Variants in BLTP3A observed in about 807,000 individuals in gnomAD.
The protein encoded by BLTP3A is bridge-like lipid transfer protein family member 3A.
chr6:34,859,716 G>A, the BLTP3A span: 7 of 1,251,072 alleles, frequency 5.6e-6, no homozygotes, highest in Non-Finnish European at 3.3e-6. Context: ...TATTTAATGG[G>A]CAGTTTTCAA....
chr6:34,808,704 C>T, the BLTP3A span, among the ~76,000 whole-genome samples: 1 of 152,098 alleles, frequency 6.6e-6, no homozygotes. Context: ...CCACCTCAGC[C>T]TCCCCAGTAG....
the BLTP3A span, chr6:34,858,899 T>C: frequency 1.2e-6 from 2 of 1,614,140 alleles, no homozygotes; most frequent in Non-Finnish European, 1.7e-6. Context: ...CTGCAGAGGC[T>C]TCAGGAGCAG....
chr6:34,826,222 A>G, the BLTP3A span, among the ~76,000 whole-genome samples: 1 of 151,824 alleles, frequency 6.6e-6, no homozygotes, highest in Non-Finnish European at 1.5e-5. Flanking sequence ...GGGTTTCACC[A>G]TGTTGGCCAG....
the BLTP3A span, among the ~76,000 whole-genome samples, chr6:34,866,872 A>G: frequency 4.5e-4 from 69 of 152,292 alleles, 1 homozygote; most frequent in African/African-American, 1.6e-3. Context: ...CACTTGGTAT[A>G]TCCTCAAGAT....
At chr6:34,864,303 A>G in the BLTP3A span, 4 of 1,152,760 alleles carry the variant, frequency 3.5e-6, no homozygotes, top group South Asian at 5.8e-5. Flanking sequence ...AGATGATAAT[A>G]TAGACATTTT....
At chr6:34,864,799 C>T in the BLTP3A span, among the ~76,000 whole-genome samples, 5 of 151,986 alleles carry the variant, frequency 3.3e-5, no homozygotes, top group Admixed American at 3.3e-4. Flanking sequence ...AAAAACCTGT[C>T]TCTACTAAAA....
At chr6:34,864,277 C>A in the BLTP3A span, 2 of 1,332,082 alleles carry the variant, frequency 1.5e-6, no homozygotes, top group Non-Finnish European at 2.1e-6. Context: ...ACTGGCAGGG[C>A]TAAAGAGGAG....
At chr6:34,861,238 G>A in the BLTP3A span, among the ~76,000 whole-genome samples, 7 of 151,970 alleles carry the variant, frequency 4.6e-5, no homozygotes, top group East Asian at 1.4e-3. Context: ...TGATCCTCCT[G>A]CCTCAGCCTC....
the BLTP3A span, chr6:34,876,267 G>A: frequency 6.6e-6 from 1 of 152,378 alleles, no homozygotes; most frequent in Non-Finnish European, 1.5e-5. Flanking sequence ...ATTTTGCCAT[G>A]GGCCTCAACC....
the BLTP3A span, among the ~76,000 whole-genome samples, chr6:34,825,054 A>G: frequency 6.6e-6 from 1 of 152,198 alleles, no homozygotes; most frequent in African/African-American, 2.4e-5. Flanking sequence ...TAAAGCTCTT[A>G]TAATTATATC....
the BLTP3A span, among the ~76,000 whole-genome samples, chr6:34,864,477 G>T: frequency 6.1e-3 from 907 of 148,966 alleles, 10 homozygotes; most frequent in African/African-American, 0.021. Flanking sequence ...GCTAAGTCAG[G>T]ATTAGTTTCA....
the BLTP3A span, chr6:34,858,656 CT>C: frequency 6.2e-7 from 1 of 1,614,220 alleles, no homozygotes; most frequent in Non-Finnish European, 8.5e-7. Flanking sequence ...GCTCTTGCCC[CT>C]GACTCTATGT....
the BLTP3A span, chr6:34,857,180 T>C: frequency 9.3e-7 from 1 of 1,074,000 alleles, no homozygotes; most frequent in Non-Finnish European, 1.3e-6. Context: ...GCGAGGCAGG[T>C]GTGAGAACAC....
the BLTP3A span, among the ~76,000 whole-genome samples, chr6:34,806,563 G>C: frequency 8.4e-3 from 1,281 of 152,292 alleles, 19 homozygotes; most frequent in African/African-American, 0.027. Flanking sequence ...CAGCCTTACT[G>C]TATGAATTTT....
the BLTP3A span, among the ~76,000 whole-genome samples, chr6:34,804,575 G>A: frequency 1.4e-3 from 212 of 152,226 alleles, no homozygotes; most frequent in Non-Finnish European, 2.5e-3. Flanking sequence ...GTGCATTTAG[G>A]AGATTGCCTA....
chr6:34,821,804 G>A, the BLTP3A span: 2 of 1,614,098 alleles, frequency 1.2e-6, no homozygotes, highest in Non-Finnish European at 1.7e-6. Flanking sequence ...CTGCAACAGG[G>A]CCTCCATCCG....
At chr6:34,837,474 G>A in the BLTP3A span, among the ~76,000 whole-genome samples, 34 of 151,704 alleles carry the variant, frequency 2.2e-4, no homozygotes, top group Admixed American at 6.6e-4. Context: ...GCTTAAGCCC[G>A]GGAGTTTGAG....
the BLTP3A span, among the ~76,000 whole-genome samples, chr6:34,843,143 C>G: frequency 6.6e-6 from 1 of 152,020 alleles, no homozygotes; most frequent in African/African-American, 2.4e-5. Flanking sequence ...GTCACCACAC[C>G]TGGCTAATTT....
chr6:34,834,255 T>C, the BLTP3A span: 3 of 1,613,954 alleles, frequency 1.9e-6, no homozygotes, highest in Non-Finnish European at 1.7e-6. Context: ...GAAGGGATGT[T>C]CATCATTGTC....
Sources: gnomAD v4.1 joint callset for allele counts (sites outside exome capture counted in the v4.1 genomes callset) on GRCh38, gnomAD v4.1.1 for gene constraint, MANE v1.5 for transcripts, NCBI Gene and HGNC (gene_info 2026-07-23, HGNC 2026-07-21) for gene names.